The following AKT3 variants were observed in gnomAD, a reference collection of about 807,000 sequenced individuals.
The protein encoded by AKT3 is AKT serine/threonine kinase 3.
In AKT3, 15 loss-of-function variants were observed where a neutral mutation model predicts 65.3. The observed-to-expected ratio is 0.23, with a 90% CI of 0.15 to 0.35. The LOEUF is 0.35. AKT3 is among the 10% of genes least tolerant of loss of function. The probability of loss-of-function intolerance (pLI) is 1.00; values close to 1 mark genes in which losing one functional copy is unlikely to be tolerated. For missense variants in AKT3, 243 were observed against 576.5 expected (o/e 0.42, Z 5.92); for synonymous variants, 206 against 183.8 (o/e 1.12, Z -0.98).
intron 4 of AKT3, among the ~76,000 whole-genome samples, chr1:243,658,645 G>T (rs1185305504): frequency 6.6e-6 from 1 of 152,082 alleles, no homozygotes. Context: ...GTGAAATGAG[G>T]AACTTAAACA....
At chr1:243,772,097 C>G (rs2148280469) in intron 2 of AKT3, among the ~76,000 whole-genome samples, 1 of 152,296 alleles carries the variant, frequency 6.6e-6, no homozygotes, top group East Asian at 1.9e-4. Context: ...TAGAAGAAAA[C>G]CTGGGCAATA....
rs866038188 is a variant in AKT3 at position 243,651,748 on chromosome 1, T to C, written c.285-5711A>G. Among the ~76,000 whole-genome samples, 4 of 152,340 alleles carry C rather than the reference T, an allele frequency of 2.6e-5. No individual in the cohort carries two copies. The Middle Eastern group carries it at 0.01, about 389-fold the overall frequency. On this transcript the variant is annotated intron_variant, in intron 4 of 13. Coordinates refer to ENST00000673466, the MANE Select transcript of AKT3 (RefSeq NM_005465.7). ...CTTGCATCCCAGGGATGAAGCTGACTTGATCGTGGTGGATAAGCTTTCTGA... is the reference window on the plus strand; with the variant it reads ...CTTGCATCCCAGGGATGAAGCTGACCTGATCGTGGTGGATAAGCTTTCTGA...
rs754838222 is a variant in AKT3 at position 243,489,032 on chromosome 1, G to A, written c.*7-582C>T. On this transcript the variant is annotated intron_variant, in intron 13 of 13. Coordinates refer to the AKT3 transcript ENST00000336199. ...TCTCCAGGCTAAGGCAGCTGGATAAGCACAGCCAGGCCACAGCCCAGCAGC... is the reference window on the plus strand; with the variant it reads ...TCTCCAGGCTAAGGCAGCTGGATAAACACAGCCAGGCCACAGCCCAGCAGC... The A allele has an allele frequency of 1.9e-6, 3 of 1,613,318 alleles. No individual in the cohort carries two copies. Among genetic ancestry groups the A allele is most frequent in the Non-Finnish European group, 2.5e-6 (3 of 1,180,040 alleles).
chr1:243,693,293 T>TATATATAA lies in AKT3; in HGVS notation c.172+2297_172+2298insTTATATAT, dbSNP rs1684842926. On this transcript the variant is annotated intron_variant, in intron 3 of 13. Transcript: ENST00000673466. Reference sequence around the variant, plus strand: ...ATATATATATATATATATATATATATAACATTTCCCAACATACCTTAGAAA... The same window carrying TATATATAA: ...ATATATATATATATATATATATATATATATATAAAACATTTCCCAACATACCTTAGAAA... Among the ~76,000 whole-genome samples, 8 of 114,832 alleles carry TATATATAA rather than the reference T, an allele frequency of 7.0e-5. 1 individual carries two copies. Among genetic ancestry groups the TATATATAA allele is most frequent in the African/African-American group, 2.0e-4 (6 of 30,130 alleles). The allele number at this position is 114,832 out of a possible 152,430, so 75.3% of individuals were successfully genotyped here. A position where few individuals can be genotyped will look rare whatever the true frequency, so the allele number is the denominator to read the frequency against.
At chr1:243,602,248 C>G (rs890897080) in intron 8 of AKT3, among the ~76,000 whole-genome samples, 1 of 152,100 alleles carries the variant, frequency 6.6e-6, no homozygotes, top group Non-Finnish European at 1.5e-5. Context: ...AAAAATGCTT[C>G]CCGACTTTAC....
At chr1:243,742,598 C>T (rs1261319572) in intron 2 of AKT3, among the ~76,000 whole-genome samples, 3 of 152,190 alleles carry the variant, frequency 2.0e-5, no homozygotes, top group Admixed American at 6.5e-5. Context: ...GCACTCCAGC[C>T]TGGGCGACAG....
intron 8 of AKT3, among the ~76,000 whole-genome samples, chr1:243,579,062 A>G (rs1248878569): frequency 6.6e-6 from 1 of 152,224 alleles, no homozygotes; most frequent in Non-Finnish European, 1.5e-5. Flanking sequence ...AAGAGAATCA[A>G]TATTCCAGAG....
chr1:243,492,501 G>A (rs1432549710), intron 13 of AKT3, among the ~76,000 whole-genome samples: 3 of 149,932 alleles, frequency 2.0e-5, no homozygotes, highest in Non-Finnish European at 3.0e-5. Context: ...ACGGGGTTTC[G>A]CCATGTTGGC....
At chr1:243,845,297 A>T (rs574262629) in intron 1 of AKT3, among the ~76,000 whole-genome samples, 3 of 150,130 alleles carry the variant, frequency 2.0e-5, no homozygotes, top group African/African-American at 7.4e-5. Flanking sequence ...GACTCCTCAA[A>T]ATCACCATGA....
chr1:243,606,704 A>G (rs1265679813), intron 8 of AKT3, among the ~76,000 whole-genome samples: 4 of 152,220 alleles, frequency 2.6e-5, no homozygotes, highest in Non-Finnish European at 2.9e-5. Context: ...AATCACCAAG[A>G]CAAAGGAGAA....
At chr1:243,636,358 T>C (rs1679972525) in intron 6 of AKT3, among the ~76,000 whole-genome samples, 2 of 152,048 alleles carry the variant, frequency 1.3e-5, no homozygotes, top group African/African-American at 2.4e-5. Context: ...GGTACTACTA[T>C]TAGCCCCACT....
chr1:243,749,907 C>A (rs1197651237), intron 2 of AKT3, among the ~76,000 whole-genome samples: 2 of 152,152 alleles, frequency 1.3e-5, no homozygotes, highest in African/African-American at 4.8e-5. Flanking sequence ...TCTTTACAGG[C>A]CTTGTTGTCC....
At chr1:243,601,504 G>C (rs1360883948) in intron 8 of AKT3, among the ~76,000 whole-genome samples, 3 of 152,090 alleles carry the variant, frequency 2.0e-5, no homozygotes. Flanking sequence ...ATTTTGAAAA[G>C]AGTCTGCAGT....
intron 2 of AKT3, among the ~76,000 whole-genome samples, chr1:243,799,565 A>G (rs1692256114): frequency 6.6e-6 from 1 of 152,214 alleles, no homozygotes. Flanking sequence ...GGGGTAGGGG[A>G]TGATAAAGAG....
At chr1:243,557,084 C>T (rs1673459565) in intron 10 of AKT3, among the ~76,000 whole-genome samples, 2 of 152,214 alleles carry the variant, frequency 1.3e-5, no homozygotes, top group South Asian at 2.1e-4. Context: ...CTTTCAAAAG[C>T]AAACTCTGGC....
At chr1:243,675,565 C>A (rs943381705) in intron 3 of AKT3, among the ~76,000 whole-genome samples, 1 of 152,192 alleles carries the variant, frequency 6.6e-6, no homozygotes, top group African/African-American at 2.4e-5. Flanking sequence ...TGCCCCATTC[C>A]TCTCCTTCGT....
intron 2 of AKT3, among the ~76,000 whole-genome samples, chr1:243,785,185 C>T (rs562147381): frequency 1.1e-4 from 16 of 151,990 alleles, no homozygotes; most frequent in Admixed American, 3.3e-4. Flanking sequence ...CTGCCTCAGC[C>T]GCAGGTGTGA....
At chr1:243,744,813 C>T (rs1688382209) in intron 2 of AKT3, among the ~76,000 whole-genome samples, 1 of 151,494 alleles carries the variant, frequency 6.6e-6, no homozygotes, top group Non-Finnish European at 1.5e-5. Context: ...TTTACACCAC[C>T]AACTATTAGT....
At chr1:243,538,188 T>C (rs1439455964) in intron 12 of AKT3, among the ~76,000 whole-genome samples, 2 of 152,098 alleles carry the variant, frequency 1.3e-5, no homozygotes, top group Non-Finnish European at 1.5e-5. Flanking sequence ...GCCTAAAGAA[T>C]AGATGGAGGA....
Sources: gnomAD v4.1 joint callset for allele counts (sites outside exome capture counted in the v4.1 genomes callset) on GRCh38, gnomAD v4.1.1 for gene constraint, MANE v1.5 for transcripts, NCBI Gene and HGNC (gene_info 2026-07-23, HGNC 2026-07-21) for gene names.